STK32B: variants seen among roughly 807,000 people sequenced by gnomAD.
STK32B encodes serine/threonine-protein kinase 32B.
A neutral mutation model predicts 52.6 loss-of-function variants in STK32B; 43 were observed. The ratio of observed to expected loss-of-function variants is 0.82; its 90% CI spans 0.64 to 1.05. The LOEUF (loss-of-function observed/expected upper bound fraction) is 1.05, where lower values mean the gene tolerates loss of function less well. Ranked by LOEUF, STK32B falls within the 50% of genes least tolerant of loss-of-function variation. The pLI is 0.00. For synonymous variants in STK32B, 238 were observed against 204.3 expected (o/e 1.17, Z -1.41); for missense variants, 621 against 534.6 (o/e 1.16, Z -1.59).
At chr4:5,209,455 C>G (rs1194586908) in intron 3 of STK32B, among the ~76,000 whole-genome samples, 2 of 152,142 alleles carry the variant, frequency 1.3e-5, no homozygotes, top group Non-Finnish European at 2.9e-5. Context: ...AATACTTAGG[C>G]TAAAGTGATC....
intron 3 of STK32B, among the ~76,000 whole-genome samples, chr4:5,216,471 G>A (rs1390308920): frequency 6.6e-6 from 1 of 152,202 alleles, no homozygotes; most frequent in East Asian, 1.9e-4. Flanking sequence ...AGAATATAAA[G>A]TAGGAGAACT....
chr4:5,370,815 T>A (rs1437676374), intron 4 of STK32B, among the ~76,000 whole-genome samples: 1 of 151,144 alleles, frequency 6.6e-6, no homozygotes, highest in African/African-American at 2.4e-5. Flanking sequence ...AAAATAAAAA[T>A]AAAAAAAATT....
Position 5,394,009 on chromosome 4 carries a change from C to A in STK32B, c.435-4198C>A, listed in dbSNP as rs752821380. Among the ~76,000 whole-genome samples, 2 of 152,152 alleles carry A rather than the reference C, an allele frequency of 1.3e-5. No individual in the cohort carries two copies. Among genetic ancestry groups the A allele is most frequent in the Non-Finnish European group, 2.9e-5 (2 of 68,026 alleles). On this transcript the variant is annotated intron_variant, in intron 4 of 11. Transcript: ENST00000282908. The surrounding 1 kb of genome is among the most constrained non-coding windows in gnomAD (Gnocchi z 4.2). ...TTCCCCTCCAGGTTTTTGTATTTCT[C>A]TTTACTGCTGCATAAGATTGCCAGC...
intron 3 of STK32B, among the ~76,000 whole-genome samples, chr4:5,169,995 G>C (rs2108738739): frequency 6.6e-6 from 1 of 152,164 alleles, no homozygotes; most frequent in East Asian, 1.9e-4. Flanking sequence ...TATCTGGCGG[G>C]AGCGCTACCT....
At position 5,294,102 on chromosome 4, in the gene STK32B, G is replaced by A. The variant is rs531709862; in HGVS notation, c.261-37118G>A. 2.0e-5 allele frequency among the ~76,000 whole-genome samples: 3 copies of A among 152,196 alleles called. No individual in the cohort carries two copies. In the South Asian group the frequency reaches 6.2e-4, roughly 32 times the overall value. On this transcript the variant is annotated intron_variant, in intron 3 of 11. Coordinates refer to ENST00000282908, the MANE Select transcript of STK32B (RefSeq NM_018401.3). Reference sequence around the variant, plus strand: ...TGTCAAAGATCAGATGGTTGTAGATGGGTGGCATTATTTCTGAGGCCTCTG... The same window carrying A: ...TGTCAAAGATCAGATGGTTGTAGATAGGTGGCATTATTTCTGAGGCCTCTG...
At chr4:5,318,553 T>C (rs1260786317) in intron 3 of STK32B, among the ~76,000 whole-genome samples, 4 of 152,150 alleles carry the variant, frequency 2.6e-5, no homozygotes, top group African/African-American at 4.8e-5. Flanking sequence ...TAAGGGATCC[T>C]GAATTTATTC....
chr4:5,189,829 G>T (rs1002243212), intron 3 of STK32B, among the ~76,000 whole-genome samples: 5 of 152,122 alleles, frequency 3.3e-5, no homozygotes, highest in Admixed American at 2.0e-4. Flanking sequence ...ACTTGGAGTT[G>T]TCAGTGTTTG....
intron 3 of STK32B, among the ~76,000 whole-genome samples, chr4:5,224,705 A>G (rs1723754477): frequency 6.6e-6 from 1 of 152,156 alleles, no homozygotes. Flanking sequence ...ATGTTAATTA[A>G]TGACATTAAT....
rs1181831983 is a variant in STK32B at position 5,178,420 on chromosome 4, T to G, written c.260+9970T>G. Among the ~76,000 whole-genome samples the G allele has an allele frequency of 2.0e-5, 3 of 152,188 alleles. No homozygotes were observed. The East Asian group carries it at 5.8e-4, about 29-fold the overall frequency. On this transcript the variant is annotated intron_variant, in intron 3 of 11. Transcript: ENST00000282908. ...CCCCCATAGGCCTCTGGGCCTGTGATGGGAGGGGCTGCTGTGAAGGTCTCT... is the reference window on the plus strand; with the variant it reads ...CCCCCATAGGCCTCTGGGCCTGTGAGGGGAGGGGCTGCTGTGAAGGTCTCT...
intron 1 of STK32B, among the ~76,000 whole-genome samples, chr4:5,104,546 T>G (rs576365278): frequency 6.6e-6 from 1 of 152,214 alleles, no homozygotes; most frequent in Non-Finnish European, 1.5e-5. Flanking sequence ...AAATGAAATA[T>G]TACCTACAGC....
At chr4:5,090,309 C>A (rs965789733) in intron 1 of STK32B, among the ~76,000 whole-genome samples, 7 of 150,900 alleles carry the variant, frequency 4.6e-5, no homozygotes, top group African/African-American at 1.7e-4. Flanking sequence ...GAATAGTATT[C>A]CCTAGGTTTT....
chr4:5,168,355 C>T lies in STK32B; in HGVS notation c.165C>T (p.Asn55=), dbSNP rs764139664. Residue 55 remains asparagine (N), a synonymous_variant, in exon 3 of 12, where the codon AAC becomes AAT. Coordinates refer to ENST00000282908, the MANE Select transcript of STK32B (RefSeq NM_018401.3). ...TKKMYAMKYM[N]KQKCIERDEV... ...AAATGTATGCAATGAAGTACATGAA[C>T]AAGCAGAAGTGCATCGAGAGGGATG... The T allele has an allele frequency of 6.2e-7, 1 of 1,613,876 alleles. No homozygotes were observed. The highest frequency in any genetic ancestry group is 8.5e-7 in the Non-Finnish European group (1 of 1,179,972).
the STK32B span, among the ~76,000 whole-genome samples, chr4:5,042,286 C>G: frequency 1.3e-5 from 2 of 152,186 alleles, no homozygotes; most frequent in African/African-American, 2.4e-5. Flanking sequence ...CCATAGTCTA[C>G]GTTCTGGGAA....
chr4:5,298,443 C>A (rs28896560), intron 3 of STK32B, among the ~76,000 whole-genome samples: 10,376 of 152,156 alleles, frequency 0.068, 390 homozygotes, highest in South Asian at 0.098. Context: ...TCTATAGGCC[C>A]CTGACTGGAG....
At chr4:5,290,709 T>C (rs190368864) in intron 3 of STK32B, among the ~76,000 whole-genome samples, 282 of 152,224 alleles carry the variant, frequency 1.9e-3, no homozygotes, top group African/African-American at 6.3e-3. Context: ...AAAAGGAGTA[T>C]AAGACATTTA....
chr4:5,052,371 G>A (rs906701716), intron 1 of STK32B, among the ~76,000 whole-genome samples: 6 of 152,128 alleles, frequency 3.9e-5, no homozygotes, highest in Non-Finnish European at 5.9e-5. Flanking sequence ...TCTCGTGCAA[G>A]GGCCTGTTGG....
intron 1 of STK32B, chr4:5,127,096 T>G (rs570607859): frequency 4.2e-4 from 215 of 512,646 alleles, no homozygotes; most frequent in African/African-American, 3.5e-3. Context: ...TCATGAGCCG[T>G]GAAGGGAACT....
intron 3 of STK32B, among the ~76,000 whole-genome samples, chr4:5,208,873 A>G (rs562543733): frequency 6.6e-6 from 1 of 152,242 alleles, no homozygotes; most frequent in South Asian, 2.1e-4. Context: ...CAGATAAATG[A>G]TCACGATGCC....
At chr4:5,099,763 C>T (rs983596522) in intron 1 of STK32B, among the ~76,000 whole-genome samples, 5 of 152,078 alleles carry the variant, frequency 3.3e-5, no homozygotes, top group Admixed American at 6.6e-5. Flanking sequence ...ATACCCAGCT[C>T]GGCTGCCTTC....
Sources: allele counts gnomAD v4.1 joint callset (sites outside exome capture counted in the v4.1 genomes callset), GRCh38; gene constraint gnomAD v4.1.1; non-coding constraint Gnocchi (gnomAD v3.1); transcripts MANE v1.5; gene names NCBI Gene and HGNC (gene_info 2026-07-23, HGNC 2026-07-21).